SLC4A10: variants seen among roughly 807,000 people sequenced by gnomAD.
SLC4A10 encodes the protein solute carrier family 4 member 10, also known as sodium-driven chloride bicarbonate exchanger.
SLC4A10 carries 42 observed loss-of-function variants against 137.7 expected under a neutral mutation model. The observed-to-expected ratio is 0.30, with a 90% CI of 0.24 to 0.39. The LOEUF (loss-of-function observed/expected upper bound fraction) is 0.39. Ranked by LOEUF, SLC4A10 falls within the 10% of genes least tolerant of loss-of-function variation. The pLI is 1.00. For synonymous variants in SLC4A10, 474 were observed against 464.1 expected, an observed-to-expected ratio of 1.02 and a Z score of -0.27; for missense variants, 925 against 1,355.0, an observed-to-expected ratio of 0.68 and a Z score of 4.98.
At chr2:161,660,553 T>C (rs1011286917) in intron 1 of SLC4A10, among the ~76,000 whole-genome samples, 3 of 151,146 alleles carry the variant, frequency 2.0e-5, no homozygotes, top group African/African-American at 7.3e-5. Flanking sequence ...TGTACTCATC[T>C]ATATTTCTTT....
At chr2:161,873,612 A>G (rs1272007536) in intron 7 of SLC4A10, among the ~76,000 whole-genome samples, 2 of 152,050 alleles carry the variant, frequency 1.3e-5, no homozygotes, top group East Asian at 3.9e-4. Flanking sequence ...CAGGTTAACA[A>G]TTCTCTTTAT....
chr2:161,685,193 A>G (rs2041251498), intron 1 of SLC4A10, among the ~76,000 whole-genome samples: 1 of 152,140 alleles, frequency 6.6e-6, no homozygotes, highest in Non-Finnish European at 1.5e-5. Flanking sequence ...CCAGTTAAAA[A>G]CTAATGATAG....
At chr2:161,868,609 G>A (rs2060913346) in intron 6 of SLC4A10, among the ~76,000 whole-genome samples, 1 of 151,474 alleles carries the variant, frequency 6.6e-6, no homozygotes, top group African/African-American at 2.4e-5. Flanking sequence ...GTGCTAATAT[G>A]AATACTATAT....
chr2:161,843,062 C>A (rs1036307673), intron 4 of SLC4A10, among the ~76,000 whole-genome samples: 1 of 152,010 alleles, frequency 6.6e-6, no homozygotes, highest in Non-Finnish European at 1.5e-5. Flanking sequence ...CCTTCTTTAC[C>A]CTCATACTAC....
chr2:161,701,381 G>A (rs1035521452), intron 1 of SLC4A10, among the ~76,000 whole-genome samples: 2 of 151,824 alleles, frequency 1.3e-5, no homozygotes, highest in African/African-American at 4.8e-5. Context: ...CAATTGTAGT[G>A]TTGCCAAAAT....
At chr2:161,967,616 C>G (rs1179818229) in intron 23 of SLC4A10, among the ~76,000 whole-genome samples, 1 of 152,136 alleles carries the variant, frequency 6.6e-6, no homozygotes, top group African/African-American at 2.4e-5. Flanking sequence ...GTCACTCTCT[C>G]ACTCACCAGA....
chr2:161,767,765 G>T (rs1441936528), intron 1 of SLC4A10, among the ~76,000 whole-genome samples: 2 of 151,964 alleles, frequency 1.3e-5, no homozygotes, highest in Non-Finnish European at 2.9e-5. Flanking sequence ...GCTTCTCAAT[G>T]TCTCAACTTC....
rs190758192 is a variant in SLC4A10, at chr2:161,977,769, C to T, written c.*26+9C>T. The T allele has an allele frequency of 3.2e-6, 5 of 1,579,040 alleles. No individual in the cohort carries two copies. In the Admixed American group the frequency reaches 7.6e-5, roughly 24 times the overall value. On this transcript the variant is annotated intron_variant, in intron 26 of 26. Transcript: ENST00000446997. Reference sequence around the variant, plus strand: ...AAGCTGATTCCCCAAAGGTAAGACCCTCTCCCTCAAATCTATTCCTTGGTT... The same window carrying T: ...AAGCTGATTCCCCAAAGGTAAGACCTTCTCCCTCAAATCTATTCCTTGGTT...
At chr2:161,931,806 C>T (rs140568734) in intron 15 of SLC4A10, among the ~76,000 whole-genome samples, 60 of 152,160 alleles carry the variant, frequency 3.9e-4, no homozygotes, top group African/African-American at 1.2e-3. Context: ...TTGTTGTTAC[C>T]GTTGGCAGTA....
At chr2:161,743,665 C>A (rs1053321629) in intron 1 of SLC4A10, among the ~76,000 whole-genome samples, 21 of 150,522 alleles carry the variant, frequency 1.4e-4, no homozygotes, top group Admixed American at 6.6e-5. Context: ...TTTTCTATTT[C>A]TGTGGAGAAT....
At position 161,945,396 on chromosome 2, in the gene SLC4A10, T is replaced by C. The variant is rs1160744907; in HGVS notation, c.2104-2170T>C. On this transcript the variant is annotated intron_variant, in intron 16 of 26. Transcript: ENST00000446997. Reference sequence around the variant, plus strand: ...CACTAATGCCAACTTTAATTTCTTATTCTAACTTAATTTTTGCCAACTTAT... The same window carrying C: ...CACTAATGCCAACTTTAATTTCTTACTCTAACTTAATTTTTGCCAACTTAT... Among the ~76,000 whole-genome samples the C allele has an allele frequency of 2.6e-5, 4 of 151,454 alleles. No individual in the cohort carries two copies. The East Asian group carries it at 5.8e-4, about 22-fold the overall frequency.
chr2:161,794,951 A>C (rs1316523114), intron 2 of SLC4A10, among the ~76,000 whole-genome samples: 2 of 151,996 alleles, frequency 1.3e-5, no homozygotes, highest in East Asian at 1.9e-4. Context: ...AGTTTTCATC[A>C]AAAGTGTCCT....
chr2:161,919,815 A>G lies in SLC4A10; in HGVS notation c.1997+13928A>G, dbSNP rs76144061. ...ACCATGTTGCAGGTGAGGAGGAGAG[A>G]AGACAGAAAGAGGGAAGAGCTGCAG... On this transcript the variant is annotated intron_variant, in intron 15 of 26. Transcript: ENST00000446997. Among the ~76,000 whole-genome samples, 467 of 152,260 alleles carry G rather than the reference A, an allele frequency of 3.1e-3. 2 individuals carry two copies. The highest frequency in any genetic ancestry group is 4.4e-3 in the Non-Finnish European group (298 of 68,022).
intron 1 of SLC4A10, among the ~76,000 whole-genome samples, chr2:161,728,954 A>T (rs1295112377): frequency 6.6e-6 from 1 of 152,174 alleles, no homozygotes; most frequent in East Asian, 1.9e-4. Context: ...AAACCATATG[A>T]TCATTTTAAT....
chr2:161,805,566 G>A (rs1398958968), intron 3 of SLC4A10, among the ~76,000 whole-genome samples: 3 of 152,140 alleles, frequency 2.0e-5, no homozygotes, highest in Non-Finnish European at 2.9e-5. Flanking sequence ...CATTCCAAAT[G>A]GGAGATATTG....
At chr2:161,689,576 G>A (rs1241076451) in intron 1 of SLC4A10, among the ~76,000 whole-genome samples, 1 of 152,152 alleles carries the variant, frequency 6.6e-6, no homozygotes, top group East Asian at 1.9e-4. Context: ...GCATCATGAC[G>A]AAATTGCCTA....
rs1039143079 is a variant in SLC4A10, at chr2:161,874,141, C to T, written c.948+136C>T. 3 of 831,416 alleles carry T rather than the reference C, an allele frequency of 3.6e-6. No individual in the cohort carries two copies. In the Admixed American group the frequency reaches 8.1e-5, roughly 23 times the overall value. The allele number at this position is 831,416 out of a possible 1,614,324, so 51.5% of individuals were successfully genotyped here. A position where few individuals can be genotyped will look rare whatever the true frequency, so the allele number is the denominator to read the frequency against. On this transcript the variant is annotated intron_variant, in intron 8 of 26. Transcript: ENST00000446997. The stretch of plus-strand genomic sequence containing the variant: ...TAAGAACTATCTTTTTAAAGCATTG[C>T]ATCTTCATTCATCTGCAAGTTGGAA...
At chr2:161,722,758 A>G (rs2045821891) in intron 1 of SLC4A10, among the ~76,000 whole-genome samples, 1 of 152,172 alleles carries the variant, frequency 6.6e-6, no homozygotes. Flanking sequence ...CACTCTTCAG[A>G]GCCAGCAGAC....
chr2:161,777,231 A>G (rs1377354281), intron 2 of SLC4A10, among the ~76,000 whole-genome samples: 1 of 151,790 alleles, frequency 6.6e-6, no homozygotes, highest in East Asian at 1.9e-4. Flanking sequence ...GAGTTGTAGG[A>G]GGTCTTCACA....
Sources: gnomAD v4.1 joint callset for allele counts (sites outside exome capture counted in the v4.1 genomes callset) on GRCh38, gnomAD v4.1.1 for gene constraint, MANE v1.5 for transcripts, NCBI Gene and HGNC (gene_info 2026-07-23, HGNC 2026-07-21) for gene names.